TXNDC16: variants seen among roughly 807,000 people sequenced by gnomAD.
TXNDC16 encodes thioredoxin domain-containing protein 16.
Under a neutral mutation model 85.6 loss-of-function variants are expected in TXNDC16, and 74 were observed. That is an observed-to-expected ratio of 0.86 (90% CI 0.72 to 1.05). The LOEUF is 1.05. Among genes scored for constraint, TXNDC16 ranks in the 50% least tolerant of loss-of-function variants. The pLI is 0.00. For synonymous variants in TXNDC16, 335 were observed against 326.5 expected (o/e 1.03, Z -0.28); for missense variants, 959 against 947.0 (o/e 1.01, Z -0.17).
chr14:52,519,388 T>A (rs1028399948), intron 6 of TXNDC16, 95 bp from the exon 7 acceptor site: 7 of 883,078 alleles, frequency 7.9e-6, no homozygotes, highest in Non-Finnish European at 1.2e-5. Flanking sequence ...GAGAAATATA[T>A]CTCCATTGAA....
chr14:52,447,519 C>G (rs2140107875), intron 18 of TXNDC16, among the ~76,000 whole-genome samples: 2 of 152,310 alleles, frequency 1.3e-5, no homozygotes, highest in Middle Eastern at 6.8e-3. Context: ...GTGGTGGCCC[C>G]TGAGGGTGGT....
At chr14:52,488,959 G>T (rs2140152290) in intron 11 of TXNDC16, among the ~76,000 whole-genome samples, 1 of 151,048 alleles carries the variant, frequency 6.6e-6, no homozygotes, top group South Asian at 2.1e-4. Context: ...GAAAAGAAAA[G>T]CATACCTTCT....
At chr14:52,446,660 G>A (rs896433534) in intron 18 of TXNDC16, among the ~76,000 whole-genome samples, 1 of 152,100 alleles carries the variant, frequency 6.6e-6, no homozygotes, top group Non-Finnish European at 1.5e-5. Flanking sequence ...CTCCAAAAGA[G>A]ACCCCTTCCT....
At chr14:52,454,916 A>G (rs1435202919) in intron 18 of TXNDC16, among the ~76,000 whole-genome samples, 1 of 152,226 alleles carries the variant, frequency 6.6e-6, no homozygotes, top group Non-Finnish European at 1.5e-5. Flanking sequence ...TTCAGTCCTC[A>G]CAATAACTGT....
chr14:52,482,159 G>T, intron 14 of TXNDC16, 71 bp downstream of exon 14: 1 of 1,354,112 alleles, frequency 7.4e-7, no homozygotes, highest in Non-Finnish European at 1.0e-6. Context: ...TATATTTTTT[G>T]CATGACATAG....
chr14:52,499,174 T>G (rs569262483), intron 9 of TXNDC16, among the ~76,000 whole-genome samples: 1 of 152,168 alleles, frequency 6.6e-6, no homozygotes, highest in East Asian at 1.9e-4. Context: ...AGTTAACTCA[T>G]AATGGATTAA....
intron 9 of TXNDC16, among the ~76,000 whole-genome samples, chr14:52,507,168 T>C (rs929702048): frequency 2.8e-4 from 43 of 152,210 alleles, no homozygotes; most frequent in East Asian, 1.7e-3. Context: ...GAAAACCCCA[T>C]TGTCTCAGCC....
At chr14:52,470,427 T>A (rs2035879127) in intron 15 of TXNDC16, 85 bp downstream of exon 15, 2 of 1,401,452 alleles carry the variant, frequency 1.4e-6, no homozygotes, top group Non-Finnish European at 1.9e-6. Flanking sequence ...TTCCTTAACC[T>A]ATTTTAAGTG....
chr14:52,490,360 A>G, intron 11 of TXNDC16, 31 bp downstream of exon 11: 1 of 1,450,418 alleles, frequency 6.9e-7, no homozygotes, highest in Non-Finnish European at 9.3e-7. Context: ...AAATAAACAG[A>G]TATTGTAGAA....
At chr14:52,520,487 G>A (rs1009823197) in intron 6 of TXNDC16, among the ~76,000 whole-genome samples, 5 of 152,112 alleles carry the variant, frequency 3.3e-5, no homozygotes, top group Admixed American at 6.6e-5. Context: ...GCGGGCACTT[G>A]TAGTCCCAGC....
chr14:52,441,911 T>A (rs1160971490), intron 18 of TXNDC16, among the ~76,000 whole-genome samples: 1 of 152,154 alleles, frequency 6.6e-6, no homozygotes, highest in East Asian at 1.9e-4. Context: ...CTTTCTATTC[T>A]CTCTTTCACA....
intron 9 of TXNDC16, among the ~76,000 whole-genome samples, chr14:52,504,742 G>A (rs2036750207): frequency 1.3e-5 from 2 of 152,130 alleles, no homozygotes; most frequent in African/African-American, 4.8e-5. Context: ...AATGTAAATG[G>A]GCTAAATGCT....
chr14:52,493,487 T>C (rs1484263438), intron 9 of TXNDC16, among the ~76,000 whole-genome samples: 2 of 151,532 alleles, frequency 1.3e-5, no homozygotes, highest in Non-Finnish European at 2.9e-5. Context: ...CCATAAAGAA[T>C]TGAAAAATAA....
intron 18 of TXNDC16, among the ~76,000 whole-genome samples, chr14:52,448,024 A>C (rs1323697999): frequency 2.0e-5 from 3 of 151,982 alleles, no homozygotes; most frequent in Non-Finnish European, 4.4e-5. Context: ...AAAAAAAAAA[A>C]CAATGAAGCA....
intron 20 of TXNDC16, among the ~76,000 whole-genome samples, chr14:52,434,327 T>C (rs1039454240): frequency 1.2e-4 from 18 of 152,218 alleles, no homozygotes; most frequent in African/African-American, 3.9e-4. Context: ...ATTCTGCTAA[T>C]TACTTGCTGA....
Position 52,527,837 on chromosome 14 carries a change from C to T in TXNDC16, c.393-8544G>A, listed in dbSNP as rs529578133. Among the ~76,000 whole-genome samples the T allele has an allele frequency of 8.6e-4, 131 of 152,228 alleles. No homozygotes were observed. In the South Asian group the frequency reaches 0.01, roughly 12 times the overall value. On this transcript the variant is annotated intron_variant, in intron 6 of 20. Transcript: ENST00000281741. ...AGACTCTTTGGAGTTTTGGACTTAA[C>T]ACCCCCTCTCCTATGTAAATAGTAT...
chr14:52,499,766 A>G lies in TXNDC16; in HGVS notation c.757-8761T>C, dbSNP rs77470281. ...GTATCCATAAGGAATCAGTTTCTCTACACCCCTTAAATATACCAAAATCCA... is the reference window on the plus strand; with the variant it reads ...GTATCCATAAGGAATCAGTTTCTCTGCACCCCTTAAATATACCAAAATCCA... On this transcript the variant is annotated intron_variant, in intron 9 of 20. Coordinates refer to ENST00000281741, the MANE Select transcript of TXNDC16 (RefSeq NM_020784.3). Among the ~76,000 whole-genome samples the G allele has an allele frequency of 4.2e-3, 645 of 152,194 alleles. 10 individuals are homozygous for G. Among genetic ancestry groups the G allele is most frequent in the African/African-American group, 0.015 (618 of 41,540 alleles).
chr14:52,468,429 T>A (rs910073492), intron 16 of TXNDC16, among the ~76,000 whole-genome samples: 2 of 152,084 alleles, frequency 1.3e-5, no homozygotes, highest in African/African-American at 4.8e-5. Context: ...ATTAAAAAAA[T>A]TTTAAACTGT....
intron 6 of TXNDC16, among the ~76,000 whole-genome samples, chr14:52,530,103 ATATT>A (rs1267663284): frequency 2.3e-5 from 2 of 88,062 alleles, no homozygotes; most frequent in Non-Finnish European, 3.9e-5. Flanking sequence ...TATATTATAT[ATATT>A]TATATTATAT....
Sources: allele counts gnomAD v4.1 joint callset (sites outside exome capture counted in the v4.1 genomes callset), GRCh38; gene constraint gnomAD v4.1.1; transcripts MANE v1.5; gene names NCBI Gene and HGNC (gene_info 2026-07-23, HGNC 2026-07-21).